Variants in KAZN observed in about 807,000 individuals in gnomAD.
KAZN encodes the protein kazrin.
Under a neutral mutation model 87.4 loss-of-function variants are expected in KAZN, and 40 were observed. The ratio of observed to expected loss-of-function variants is 0.46; its 90% CI spans 0.36 to 0.60. The LOEUF is 0.60. Among genes scored for constraint, KAZN ranks in the 20% least tolerant of loss-of-function variants. KAZN has a pLI of 0.00. For missense variants in KAZN, 898 were observed against 1,073.9 expected, an observed-to-expected ratio of 0.84 and a Z score of 2.29; for synonymous variants, 466 against 458.3, an observed-to-expected ratio of 1.02 and a Z score of -0.22.
chr1:14,283,855 A>G (rs530997229), intron 2 of KAZN, among the ~76,000 whole-genome samples: 3 of 152,212 alleles, frequency 2.0e-5, no homozygotes, highest in Non-Finnish European at 4.4e-5. Context: ...AAACAACCCA[A>G]AGTCCATCAA....
At chr1:15,097,377 T>G (rs112070469) in intron 10 of KAZN, among the ~76,000 whole-genome samples, 4 of 152,206 alleles carry the variant, frequency 2.6e-5, no homozygotes, top group African/African-American at 9.6e-5. Context: ...ATGGGCATGA[T>G]GGCGTCCTCT....
chr1:14,069,196 C>A (rs113605122), intron 1 of KAZN, among the ~76,000 whole-genome samples: 1 of 152,306 alleles, frequency 6.6e-6, no homozygotes, highest in African/African-American at 2.4e-5. Flanking sequence ...AGGATGGAAC[C>A]TGGTAAGTGA....
At chr1:14,541,899 G>C (rs1672833328) in intron 2 of KAZN, among the ~76,000 whole-genome samples, 1 of 152,220 alleles carries the variant, frequency 6.6e-6, no homozygotes, top group South Asian at 2.1e-4. Context: ...ATCGGGAGCA[G>C]CCAGTGGAAA....
chr1:14,598,476 G>A (rs958442267), upstream of KAZN, among the ~76,000 whole-genome samples: 1 of 152,106 alleles, frequency 6.6e-6, no homozygotes, highest in Non-Finnish European at 1.5e-5. The surrounding 1 kb of genome is among the most constrained non-coding windows in gnomAD (Gnocchi z 4.2). Context: ...GGCCGGCCTC[G>A]GTCCAGGCGA....
chr1:14,458,063 C>T (rs965452990), intron 2 of KAZN, among the ~76,000 whole-genome samples: 6 of 152,106 alleles, frequency 3.9e-5, no homozygotes, highest in Non-Finnish European at 8.8e-5. Context: ...ACCTCATGAT[C>T]CCCCTGCCTT....
intron 2 of KAZN, among the ~76,000 whole-genome samples, chr1:14,459,444 A>G (rs1293491904): frequency 6.6e-6 from 1 of 151,994 alleles, no homozygotes; most frequent in Non-Finnish European, 1.5e-5. Flanking sequence ...TCTTCCCCCA[A>G]TCAGATTAAC....
intron 1 of KAZN, among the ~76,000 whole-genome samples, chr1:13,990,058 G>T (rs978734484): frequency 4.6e-5 from 7 of 152,168 alleles, no homozygotes; most frequent in Admixed American, 2.0e-4. Flanking sequence ...AAACAGAAAA[G>T]AACTTTTCTG....
chr1:14,582,120 A>G lies in KAZN; in HGVS notation c.250-16863A>G, dbSNP rs529871845. Among the ~76,000 whole-genome samples the G allele has an allele frequency of 2.6e-5, 4 of 151,868 alleles. No homozygotes were observed. The South Asian group carries it at 8.4e-4, about 32-fold the overall frequency. ...GTGTTCAGTACCTATCTGTTAGTAC[A>G]GATCACAACATCCCTATTTTACAAG... On this transcript the variant is annotated intron_variant, in intron 2 of 16. Coordinates refer to the KAZN transcript ENST00000636203.
chr1:14,145,453 G>GAC (rs199740121), intron 1 of KAZN, among the ~76,000 whole-genome samples: 2 of 151,566 alleles, frequency 1.3e-5, no homozygotes, highest in South Asian at 2.1e-4. Flanking sequence ...CTGAAAAAAA[G>GAC]ACACACACAC....
chr1:14,975,139 G>A (rs1665466333), intron 2 of KAZN, among the ~76,000 whole-genome samples: 1 of 152,212 alleles, frequency 6.6e-6, no homozygotes, highest in African/African-American at 2.4e-5. Context: ...CTCGAAGACA[G>A]GCAGACTGTG....
chr1:13,966,418 A>C (rs943371919), intron 1 of KAZN, among the ~76,000 whole-genome samples: 2 of 152,154 alleles, frequency 1.3e-5, no homozygotes, highest in Non-Finnish European at 2.9e-5. Flanking sequence ...GCAGGTCCTC[A>C]CAGTGCTTTC....
At chr1:14,416,968 A>C (rs552729997) in intron 2 of KAZN, among the ~76,000 whole-genome samples, 5 of 146,650 alleles carry the variant, frequency 3.4e-5, no homozygotes, top group Admixed American at 2.1e-4. Flanking sequence ...GTGTGTATAC[A>C]TATGTATATA....
intron 1 of KAZN, among the ~76,000 whole-genome samples, chr1:14,891,908 A>C (rs1654759393): frequency 6.6e-6 from 1 of 152,072 alleles, no homozygotes; most frequent in Non-Finnish European, 1.5e-5. Context: ...CGTGTCCATG[A>C]GCCTCCGTTA....
intron 2 of KAZN, among the ~76,000 whole-genome samples, chr1:14,277,953 C>T (rs746461334): frequency 2.0e-5 from 3 of 151,988 alleles, no homozygotes; most frequent in African/African-American, 4.8e-5. Context: ...ATGTTCCCTT[C>T]CCTCTCCACC....
rs181756787 is a variant in KAZN at position 14,105,752 on chromosome 1, A to G, written c.92-74683A>G. 3.0e-3 allele frequency among the ~76,000 whole-genome samples: 453 copies of G among 152,304 alleles called. 6 individuals carry two copies. Among genetic ancestry groups the G allele is most frequent in the African/African-American group, 0.011 (437 of 41,564 alleles). The stretch of plus-strand genomic sequence containing the variant: ...AAAGGATCGCCATGAAGATCTAGCA[A>G]GTTAAGACCCTTGAGCTGCGTGGAA... On this transcript the variant is annotated intron_variant, in intron 1 of 16. Transcript: ENST00000636203.
Position 15,067,109 on chromosome 1 carries a change from G to A in KAZN, c.1222+1356G>A, listed in dbSNP as rs1290574926. On this transcript the variant is annotated intron_variant, in intron 8 of 14. Transcript: ENST00000376030. ...GCAGCTTCTGTTCCTCCCTGCAGCT[G>A]TGTCTTTCTTGTCCTGGGTTTAGGA... The A allele has an allele frequency of 7.1e-6, 7 of 985,670 alleles. No homozygotes were observed. In the African/African-American group the frequency reaches 8.7e-5, roughly 12 times the overall value. The allele number at this position is 985,670 out of a possible 1,614,324, so 61.1% of individuals were successfully genotyped here. A position where few individuals can be genotyped will look rare whatever the true frequency, so the allele number is the denominator to read the frequency against.
chr1:14,447,359 C>T (rs1667043396), intron 2 of KAZN, among the ~76,000 whole-genome samples: 1 of 151,690 alleles, frequency 6.6e-6, no homozygotes, highest in African/African-American at 2.4e-5. Context: ...CTGCCTCAGC[C>T]TCCCGAGTAG....
chr1:15,012,255 C>T (rs1230372198), intron 2 of KAZN, among the ~76,000 whole-genome samples: 2 of 152,160 alleles, frequency 1.3e-5, no homozygotes, highest in Admixed American at 6.5e-5. Flanking sequence ...CTATTCTTAC[C>T]ACCTGCTCCA....
At chr1:15,003,828 C>T (rs913908433) in intron 2 of KAZN, among the ~76,000 whole-genome samples, 1 of 152,114 alleles carries the variant, frequency 6.6e-6, no homozygotes, top group African/African-American at 2.4e-5. Flanking sequence ...GCCTGCTGTA[C>T]CCCTCTCTTA....
Sources: allele counts gnomAD v4.1 joint callset (sites outside exome capture counted in the v4.1 genomes callset), GRCh38; gene constraint gnomAD v4.1.1; non-coding constraint Gnocchi (gnomAD v3.1); transcripts MANE v1.5; gene names NCBI Gene and HGNC (gene_info 2026-07-23, HGNC 2026-07-21).